The following ABCA13 variants were observed in gnomAD, a reference collection of about 807,000 sequenced individuals.
ABCA13 encodes the protein ATP binding cassette subfamily A member 13, also known as ATP-binding cassette sub-family A member 13.
ABCA13 carries 476 observed loss-of-function variants against 478.7 expected under a neutral mutation model. The ratio of observed to expected loss-of-function variants is 0.99; its 90% CI spans 0.92 to 1.07. The LOEUF (loss-of-function observed/expected upper bound fraction) is 1.07, where lower values mean the gene tolerates loss of function less well. Among genes scored for constraint, ABCA13 ranks in the 50% least tolerant of loss-of-function variants. The pLI, the probability that ABCA13 is intolerant of heterozygous loss-of-function variation, is 0.00. For missense variants in ABCA13, 6,060 were observed against 5,910.6 expected (o/e 1.03, Z -0.83); for synonymous variants, 2,252 against 2,158.9 (o/e 1.04, Z -1.20).
intron 55 of ABCA13, among the ~76,000 whole-genome samples, chr7:48,566,728 G>C (rs1183156765): frequency 6.6e-6 from 1 of 152,150 alleles, no homozygotes. Context: ...CTTAAACTGA[G>C]TTGTCAGGTT....
At chr7:48,331,905 C>G (rs936139800) in intron 27 of ABCA13, among the ~76,000 whole-genome samples, 1 of 152,158 alleles carries the variant, frequency 6.6e-6, no homozygotes, top group African/African-American at 2.4e-5. Context: ...ACCACTCCCC[C>G]GCAAGTCCCT....
chr7:48,301,179 C>T (rs1453604653), intron 23 of ABCA13, among the ~76,000 whole-genome samples: 1 of 151,870 alleles, frequency 6.6e-6, no homozygotes, highest in Non-Finnish European at 1.5e-5. Flanking sequence ...AGAGGGCATT[C>T]CCTGAAAGTT....
At position 48,645,567 on chromosome 7, in the gene ABCA13, G is replaced by A; in HGVS notation, c.*55G>A. 1 of 1,441,008 alleles carries A rather than the reference G, an allele frequency of 6.9e-7. No individual in the cohort carries two copies. Among genetic ancestry groups the A allele is most frequent in the Non-Finnish European group, 9.5e-7 (1 of 1,050,440 alleles). The allele number at this position is 1,441,008 out of a possible 1,614,324, so 89.3% of individuals were successfully genotyped here. On this transcript the variant is annotated 3_prime_UTR_variant, in exon 62 of 62. Coordinates refer to ENST00000435803, the MANE Select transcript of ABCA13 (RefSeq NM_152701.5). ...ACCTTGTCTTCCATTACAATTAACA[G>A]TCAAGGATAAAACAAGCACGCGCAC...
chr7:48,239,155 G>A (rs1043451578), intron 8 of ABCA13, 86 bp from the exon 9 acceptor site: 1 of 1,412,434 alleles, frequency 7.1e-7, no homozygotes, highest in Non-Finnish European at 9.8e-7. Context: ...AACTTTTACT[G>A]TGGCAAGATC....
chr7:48,259,918 A>G (rs1450558489), intron 15 of ABCA13, among the ~76,000 whole-genome samples: 1 of 151,956 alleles, frequency 6.6e-6, no homozygotes, highest in African/African-American at 2.4e-5. Context: ...AATACTTGCA[A>G]TTGTATTATG....
intron 19 of ABCA13, among the ~76,000 whole-genome samples, chr7:48,284,209 G>T (rs1192018578): frequency 6.6e-6 from 1 of 152,174 alleles, no homozygotes; most frequent in Non-Finnish European, 1.5e-5. Flanking sequence ...TTGAACAGAA[G>T]AATTGATTGG....
At chr7:48,601,102 A>G (rs1485257306) in intron 58 of ABCA13, among the ~76,000 whole-genome samples, 1 of 150,396 alleles carries the variant, frequency 6.6e-6, no homozygotes, top group African/African-American at 2.5e-5. Flanking sequence ...TCTGGTGTTG[A>G]CCCCTCTAGT....
intron 31 of ABCA13, among the ~76,000 whole-genome samples, chr7:48,357,259 T>G (rs1324544567): frequency 6.6e-6 from 1 of 151,960 alleles, no homozygotes; most frequent in African/African-American, 2.4e-5. Context: ...GGGCTCTACT[T>G]CAGGTAACTT....
chr7:48,411,682 G>C (rs992050408), intron 40 of ABCA13, among the ~76,000 whole-genome samples: 3 of 152,112 alleles, frequency 2.0e-5, no homozygotes, highest in Non-Finnish European at 4.4e-5. Context: ...GAGTAGTGAG[G>C]GTATAGAGCA....
At chr7:48,231,928 C>T (rs750857779) in intron 7 of ABCA13, among the ~76,000 whole-genome samples, 29 of 152,078 alleles carry the variant, frequency 1.9e-4, no homozygotes, top group Non-Finnish European at 2.8e-4. Context: ...TCCCAAAGTG[C>T]TGGGATTACA....
intron 46 of ABCA13, among the ~76,000 whole-genome samples, chr7:48,482,417 T>C (rs1828865505): frequency 6.6e-6 from 1 of 152,064 alleles, no homozygotes. Context: ...AGTCTTGCTC[T>C]GTTGCCTAGG....
chr7:48,246,191 C>A (rs1297566494), intron 13 of ABCA13, among the ~76,000 whole-genome samples, 161 bp downstream of exon 13: 4 of 152,168 alleles, frequency 2.6e-5, no homozygotes, highest in Non-Finnish European at 4.4e-5. Flanking sequence ...CCCTTCAATG[C>A]TGGCCTTTCT....
At chr7:48,381,370 T>TACACAC (rs61376984) in intron 35 of ABCA13, among the ~76,000 whole-genome samples, 3 of 148,946 alleles carry the variant, frequency 2.0e-5, no homozygotes, top group Non-Finnish European at 3.0e-5. Context: ...CACATACACA[T>TACACAC]ACACACACAC....
chr7:48,499,237 T>C (rs2130794851), intron 48 of ABCA13, among the ~76,000 whole-genome samples: 1 of 152,292 alleles, frequency 6.6e-6, no homozygotes, highest in Non-Finnish European at 1.5e-5. Flanking sequence ...AGAACGCATA[T>C]ATTTCTTTTA....
rs1799502102 is a variant in ABCA13, at chr7:48,297,214, A to G, written c.9120-18A>G. On this transcript the variant is annotated intron_variant, in intron 21 of 61. Transcript: ENST00000435803. Reference sequence around the variant, plus strand: ...GTTTTAGCTTGCCTAATTTAGCTTTAATTTTCTGCCATTTTAGGTTGGCCA... The same window carrying G: ...GTTTTAGCTTGCCTAATTTAGCTTTGATTTTCTGCCATTTTAGGTTGGCCA... 7 of 1,585,330 alleles carry G rather than the reference A, an allele frequency of 4.4e-6. No homozygotes were observed. The East Asian group carries it at 1.4e-4, about 31-fold the overall frequency.
At chr7:48,612,411 G>A (rs1346104782) in intron 58 of ABCA13, among the ~76,000 whole-genome samples, 1 of 152,126 alleles carries the variant, frequency 6.6e-6, no homozygotes, top group African/African-American at 2.4e-5. Flanking sequence ...ATGCAAAATG[G>A]TAAAATAAGT....
At chr7:48,210,773 T>A (rs1323284074) in intron 3 of ABCA13, among the ~76,000 whole-genome samples, 2 of 152,172 alleles carry the variant, frequency 1.3e-5, no homozygotes, top group African/African-American at 4.8e-5. Flanking sequence ...AATATATCCT[T>A]GAGAGTGTTC....
intron 48 of ABCA13, among the ~76,000 whole-genome samples, chr7:48,501,167 A>T (rs1830708081): frequency 6.6e-6 from 1 of 152,088 alleles, no homozygotes; most frequent in South Asian, 2.1e-4. Context: ...TGTCCAGTGG[A>T]GGGAGGTGGG....
At chr7:48,498,321 G>T (rs1352072156) in intron 48 of ABCA13, among the ~76,000 whole-genome samples, 1 of 152,062 alleles carries the variant, frequency 6.6e-6, no homozygotes, top group East Asian at 1.9e-4. Flanking sequence ...ATTTTTGGGA[G>T]CCTTTCTTAT....
Sources: allele counts gnomAD v4.1 joint callset (sites outside exome capture counted in the v4.1 genomes callset), GRCh38; gene constraint gnomAD v4.1.1; transcripts MANE v1.5; gene names NCBI Gene and HGNC (gene_info 2026-07-23, HGNC 2026-07-21).